Variants in PDE4DIP observed in about 807,000 individuals in gnomAD.
The protein encoded by PDE4DIP is myomegalin.
PDE4DIP carries 59 observed loss-of-function variants against 221.4 expected under a neutral mutation model. That is an observed-to-expected ratio of 0.27 (90% CI 0.22 to 0.33). The LOEUF (loss-of-function observed/expected upper bound fraction) is 0.33. Among genes scored for constraint, PDE4DIP ranks in the 10% least tolerant of loss-of-function variants. The probability of loss-of-function intolerance (pLI) is 1.00; values close to 1 mark genes in which losing one functional copy is unlikely to be tolerated. For missense variants in PDE4DIP, 1,036 were observed against 2,154.2 expected, an observed-to-expected ratio of 0.48 and a Z score of 10.28; for synonymous variants, 404 against 815.9, an observed-to-expected ratio of 0.50 and a Z score of 8.60.
chr1:149,026,355 G>A (rs1309158363), intron 38 of PDE4DIP: 1 of 168,450 alleles, frequency 5.9e-6, no homozygotes, highest in East Asian at 1.6e-4. Context: ...ATTTTAATAT[G>A]TACTATGTAT....
chr1:149,000,550 T>C (rs1553573973), intron 23 of PDE4DIP, among the ~76,000 whole-genome samples: 2 of 147,102 alleles, frequency 1.4e-5, no homozygotes, highest in Non-Finnish European at 3.0e-5. Context: ...TGAGACTCTG[T>C]CTCAAAAAAA....
intron 4 of PDE4DIP, among the ~76,000 whole-genome samples, chr1:148,934,738 G>A (rs1327966772): frequency 6.6e-6 from 1 of 151,864 alleles, no homozygotes; most frequent in Non-Finnish European, 1.5e-5. Flanking sequence ...CGAGTAGCTG[G>A]GATTACAGGC....
At chr1:148,933,625 C>T (rs1321368437) in intron 4 of PDE4DIP, among the ~76,000 whole-genome samples, 1 of 152,098 alleles carries the variant, frequency 6.6e-6, no homozygotes, top group East Asian at 1.9e-4. Context: ...GTATAAAAAG[C>T]TTTAAGGAGC....
At chr1:148,986,688 T>C (rs1408248668) in intron 21 of PDE4DIP, among the ~76,000 whole-genome samples, 5 of 152,150 alleles carry the variant, frequency 3.3e-5, no homozygotes, top group Non-Finnish European at 7.4e-5. Context: ...TGTTATACTT[T>C]CCCCGGAAAT....
intron 21 of PDE4DIP, chr1:148,982,012 A>G (rs1463971696): frequency 6.5e-6 from 1 of 154,560 alleles, no homozygotes; most frequent in Non-Finnish European, 1.4e-5. Context: ...GTAATAGTAG[A>G]CTGCAAGTAT....
intron 1 of PDE4DIP, among the ~76,000 whole-genome samples, chr1:148,838,584 C>G (rs1274273017): frequency 3.0e-5 from 3 of 98,770 alleles, no homozygotes; most frequent in Admixed American, 1.1e-4. Flanking sequence ...CTTCTGAACC[C>G]AGCAAGTCCT....
exon 44 of PDE4DIP, chr1:149,032,317 G>A (rs1553639548): frequency 1.7e-6 from 1 of 583,336 alleles, no homozygotes; most frequent in Middle Eastern, 4.6e-4. Flanking sequence ...ACTAGCAAGA[G>A]CACATTTCTT....
intron 21 of PDE4DIP, chr1:148,990,386 G>A: frequency 2.0e-6 from 2 of 982,910 alleles, no homozygotes; most frequent in Non-Finnish European, 2.4e-6. Context: ...TCCTTACGGA[G>A]ATAAGGTAAG....
At chr1:148,942,119 T>G (rs1157634291) in intron 5 of PDE4DIP, 3 of 152,178 alleles carry the variant, frequency 2.0e-5, no homozygotes, top group Non-Finnish European at 4.4e-5. Flanking sequence ...AGGTCTGAAT[T>G]GTCCAAGTGA....
chr1:148,978,522 G>A, intron 19 of PDE4DIP, 107 bp downstream of exon 22: 1 of 724,816 alleles, frequency 1.4e-6, no homozygotes, highest in Non-Finnish European at 2.2e-6. Flanking sequence ...GGCTAGTCTT[G>A]AACTCCTGAC....
At chr1:148,883,362 C>T in intron 3 of PDE4DIP, among the ~76,000 whole-genome samples, 1 of 119,480 alleles carries the variant, frequency 8.4e-6, no homozygotes, top group Non-Finnish European at 1.8e-5. Flanking sequence ...AAGAATTATC[C>T]ACAGATATCA....
At chr1:148,975,444 T>A (rs587660328) in intron 17 of PDE4DIP, among the ~76,000 whole-genome samples, 1 of 149,940 alleles carries the variant, frequency 6.7e-6, no homozygotes, top group East Asian at 2.1e-4. Context: ...TGATTTCTCT[T>A]TTAAAATGGG....
At chr1:148,970,300 G>A (rs1243816313) in intron 14 of PDE4DIP, among the ~76,000 whole-genome samples, 3 of 148,326 alleles carry the variant, frequency 2.0e-5, no homozygotes, top group East Asian at 2.0e-4. Context: ...TTCTAAAATA[G>A]ACCTAACAAA....
intron 1 of PDE4DIP, among the ~76,000 whole-genome samples, chr1:148,828,548 G>A (rs1487027571): frequency 6.6e-6 from 1 of 150,500 alleles, no homozygotes; most frequent in African/African-American, 2.4e-5. Context: ...ATTGTTTCTG[G>A]TCCCAGAAAT....
chr1:149,000,901 G>C lies in PDE4DIP; in HGVS notation c.3138-690G>C, dbSNP rs1698645. On this transcript the variant is annotated intron_variant, in intron 23 of 43. Coordinates refer to ENST00000369354, the Ensembl canonical transcript of PDE4DIP. ...CACTCAACCCTAGTATGAGTTTGTT[G>C]TTGTGGAAAGAATTTATCTGGAATG... is the stretch of plus-strand genomic sequence containing the variant. 2.9e-3 allele frequency among the ~76,000 whole-genome samples: 429 copies of C among 146,796 alleles called. 2 individuals carry two copies. Among genetic ancestry groups the C allele is most frequent in the Non-Finnish European group, 4.7e-3 (321 of 67,780 alleles).
intron 27 of PDE4DIP, chr1:149,006,493 A>G (rs2067083709): frequency 6.6e-6 from 1 of 152,230 alleles, no homozygotes; most frequent in South Asian, 2.1e-4. Context: ...AAATTCAGGC[A>G]TCAGGTGGTG....
intron 30 of PDE4DIP, 27 bp from the exon 34 acceptor site, chr1:149,010,416 G>T (rs782182952): frequency 1.2e-6 from 2 of 1,610,254 alleles, no homozygotes; most frequent in Non-Finnish European, 1.7e-6. Context: ...AACATCATAC[G>T]TTTTCTTTCA....
intron 32 of PDE4DIP, among the ~76,000 whole-genome samples, chr1:149,013,077 C>G (rs2069121563): frequency 1.3e-5 from 2 of 152,116 alleles, no homozygotes; most frequent in Non-Finnish European, 2.9e-5. Context: ...TGGTGGACTG[C>G]TCATTGGTTG....
chr1:149,032,298 A>G, exon 44 of PDE4DIP: 3 of 593,140 alleles, frequency 5.1e-6, no homozygotes, highest in South Asian at 2.0e-5. Flanking sequence ...CAGCCCCAGC[A>G]GCTTGGGAAC....
Sources: allele counts gnomAD v4.1 joint callset (sites outside exome capture counted in the v4.1 genomes callset), GRCh38; gene constraint gnomAD v4.1.1; transcripts MANE v1.5; gene names NCBI Gene and HGNC (gene_info 2026-07-23, HGNC 2026-07-21).